Variants in ADAM12 observed in about 807,000 individuals in gnomAD.
ADAM12 encodes disintegrin and metalloproteinase domain-containing protein 12.
A neutral mutation model predicts 106.4 loss-of-function variants in ADAM12; 70 were observed. That is an observed-to-expected ratio of 0.66 (90% CI 0.54 to 0.80). The LOEUF is 0.80. Ranked by LOEUF, ADAM12 falls within the 30% of genes least tolerant of loss-of-function variation. The probability of loss-of-function intolerance (pLI) is 0.00; values close to 1 mark genes in which losing one functional copy is unlikely to be tolerated. For missense variants in ADAM12, 1,010 were observed against 1,171.9 expected, an observed-to-expected ratio of 0.86 and a Z score of 2.02; for synonymous variants, 420 against 433.5, an observed-to-expected ratio of 0.97 and a Z score of 0.39.
At chr10:126,055,819 G>T (rs1954618178) in intron 14 of ADAM12, among the ~76,000 whole-genome samples, 1 of 152,212 alleles carries the variant, frequency 6.6e-6, no homozygotes, top group African/African-American at 2.4e-5. Context: ...GAGGACGACA[G>T]CTGCCTCATG....
chr10:126,298,034 T>C (rs1323546698), intron 2 of ADAM12, among the ~76,000 whole-genome samples: 3 of 152,000 alleles, frequency 2.0e-5, no homozygotes, highest in African/African-American at 7.2e-5. Flanking sequence ...GAATGAGAAG[T>C]AGATCAGTCT....
chr10:126,386,680 A>C (rs185352304), intron 1 of ADAM12, among the ~76,000 whole-genome samples: 48 of 152,366 alleles, frequency 3.2e-4, no homozygotes, highest in African/African-American at 8.9e-4. Context: ...CTTCCAAAAA[A>C]AAAATTTGTC....
intron 6 of ADAM12, 148 bp from the exon 7 acceptor site, chr10:126,109,988 A>G: frequency 1.7e-6 from 1 of 581,450 alleles, no homozygotes; most frequent in Non-Finnish European, 2.8e-6. Context: ...CTAGAAGTTT[A>G]CCCCAACTCC....
At chr10:126,084,777 A>G (rs1955303819) in intron 11 of ADAM12, among the ~76,000 whole-genome samples, 1 of 152,096 alleles carries the variant, frequency 6.6e-6, no homozygotes, top group Admixed American at 6.5e-5. Flanking sequence ...CCCATCCCCA[A>G]GCCTGCGAGC....
At chr10:126,190,111 C>T (rs1767986386) in intron 3 of ADAM12, among the ~76,000 whole-genome samples, 1 of 152,144 alleles carries the variant, frequency 6.6e-6, no homozygotes, top group African/African-American at 2.4e-5. Flanking sequence ...CCTGTTGAGA[C>T]ATCCCATCTG....
At chr10:126,135,371 G>C in intron 5 of ADAM12, 1 of 552,460 alleles carries the variant, frequency 1.8e-6, no homozygotes, top group Non-Finnish European at 3.2e-6. Flanking sequence ...GGCACTGTAA[G>C]AGGGGGCATG....
At chr10:126,177,973 A>G (rs1957248647) in intron 3 of ADAM12, among the ~76,000 whole-genome samples, 1 of 152,230 alleles carries the variant, frequency 6.6e-6, no homozygotes, top group Non-Finnish European at 1.5e-5. Context: ...CATTTAACTT[A>G]GTTTATTAAC....
intron 2 of ADAM12, among the ~76,000 whole-genome samples, chr10:126,294,501 C>G (rs186267528): frequency 6.6e-6 from 1 of 152,120 alleles, no homozygotes; most frequent in African/African-American, 2.4e-5. Flanking sequence ...GCGACAGTCT[C>G]GGCTGTTCAG....
intron 2 of ADAM12, among the ~76,000 whole-genome samples, chr10:126,288,781 T>C (rs1345836989): frequency 6.9e-6 from 1 of 145,388 alleles, no homozygotes. Context: ...TATGTGGTGG[T>C]ACAGTGACTC....
At chr10:126,328,059 T>C (rs1346711719) in intron 2 of ADAM12, among the ~76,000 whole-genome samples, 1 of 152,254 alleles carries the variant, frequency 6.6e-6, no homozygotes, top group Non-Finnish European at 1.5e-5. Context: ...TAGAAAGGGC[T>C]TTCCTGGCCA....
chr10:126,323,401 T>G (rs1186388149), intron 2 of ADAM12, among the ~76,000 whole-genome samples: 3 of 152,186 alleles, frequency 2.0e-5, no homozygotes, highest in African/African-American at 7.2e-5. Flanking sequence ...AGATACCACA[T>G]AGCACTAAAG....
At chr10:126,228,322 C>G (rs1958241194) in intron 3 of ADAM12, among the ~76,000 whole-genome samples, 1 of 152,246 alleles carries the variant, frequency 6.6e-6, no homozygotes, top group South Asian at 2.1e-4. Flanking sequence ...ATTTTTTCCC[C>G]ATTCAACTTC....
chr10:126,326,718 C>T (rs1231027768), intron 2 of ADAM12, among the ~76,000 whole-genome samples: 4 of 152,134 alleles, frequency 2.6e-5, no homozygotes, highest in African/African-American at 9.7e-5. Flanking sequence ...CTTCTCATGG[C>T]TGTTCTACCT....
intron 3 of ADAM12, among the ~76,000 whole-genome samples, chr10:126,244,899 C>T (rs79604193): frequency 0.11 from 16,632 of 152,172 alleles, 1,247 homozygotes; most frequent in South Asian, 0.21. Context: ...AGACATTCAC[C>T]AAGCAAAGGA....
intron 2 of ADAM12, among the ~76,000 whole-genome samples, chr10:126,283,713 T>C (rs980870484): frequency 2.0e-5 from 3 of 152,246 alleles, no homozygotes; most frequent in Admixed American, 6.5e-5. Context: ...CTGGAAGCTA[T>C]GCTTTTCTCT....
intron 3 of ADAM12, among the ~76,000 whole-genome samples, chr10:126,187,137 A>G (rs763588026): frequency 5.3e-5 from 8 of 152,154 alleles, no homozygotes; most frequent in South Asian, 2.1e-4. Context: ...GGTGCTGTTT[A>G]TATATAAAAA....
intron 3 of ADAM12, among the ~76,000 whole-genome samples, chr10:126,254,572 G>T (rs1262847041): frequency 6.6e-6 from 1 of 152,170 alleles, no homozygotes; most frequent in African/African-American, 2.4e-5. Flanking sequence ...GTGTTACTCA[G>T]CGTCAATTCC....
At chr10:126,346,969 T>G (rs925920564) in intron 1 of ADAM12, among the ~76,000 whole-genome samples, 2 of 152,226 alleles carry the variant, frequency 1.3e-5, no homozygotes. Flanking sequence ...GTCTTGACTC[T>G]TCATCCAATT....
At chr10:126,365,014 T>C (rs1473910075) in intron 1 of ADAM12, among the ~76,000 whole-genome samples, 1 of 152,172 alleles carries the variant, frequency 6.6e-6, no homozygotes, top group East Asian at 1.9e-4. Flanking sequence ...TCATCCTGGA[T>C]GTGTCTACAG....
Sources: allele counts gnomAD v4.1 joint callset (sites outside exome capture counted in the v4.1 genomes callset), GRCh38; gene constraint gnomAD v4.1.1; transcripts MANE v1.5; gene names NCBI Gene and HGNC (gene_info 2026-07-23, HGNC 2026-07-21).